MARCHF6: variants seen among roughly 807,000 people sequenced by gnomAD.
MARCHF6 encodes E3 ubiquitin-protein ligase MARCHF6.
A neutral mutation model predicts 133.7 loss-of-function variants in MARCHF6; 31 were observed. The ratio of observed to expected loss-of-function variants is 0.23; its 90% CI spans 0.17 to 0.31. MARCHF6 has a LOEUF of 0.31. MARCHF6 is among the 10% of genes least tolerant of loss of function. The pLI is 1.00. For missense variants in MARCHF6, 723 were observed against 1,121.6 expected (o/e 0.64, Z 5.08); for synonymous variants, 395 against 402.5 (o/e 0.98, Z 0.22).
rs1019000402 is a variant in MARCHF6, at chr5:10,411,203, T to C, written c.1692-130T>C. 1.4e-5 allele frequency: 10 copies of C among 719,274 alleles called. No homozygotes were observed. The African/African-American group carries it at 1.8e-4, about 13-fold the overall frequency. 44.6% of individuals were successfully genotyped at this position (719,274 alleles called of 1,614,324 possible). A position where few individuals can be genotyped will look rare whatever the true frequency, so the allele number is the denominator to read the frequency against. The stretch of plus-strand genomic sequence containing the variant: ...AAACATTTAGACCAAAATTAGGTAA[T>C]AATGTGGTGCACAAATTCTGTATTA... On this transcript the variant is annotated intron_variant, in intron 18 of 25. Transcript: ENST00000274140.
chr5:10,380,364 A>C (rs1405078806), intron 3 of MARCHF6, among the ~76,000 whole-genome samples: 1 of 152,196 alleles, frequency 6.6e-6, no homozygotes, highest in Non-Finnish European at 1.5e-5. Flanking sequence ...GTAGTACGTA[A>C]AAGCTGTACA....
At chr5:10,404,946 T>G (rs1029821324) in intron 15 of MARCHF6, among the ~76,000 whole-genome samples, 2 of 152,218 alleles carry the variant, frequency 1.3e-5, no homozygotes, top group Admixed American at 6.5e-5. Context: ...AATGATTTCT[T>G]TCATTTTATC....
At position 10,435,682 on chromosome 5, in the gene MARCHF6, TATATATATATATATA is replaced by T. The variant is rs1343975514; in HGVS notation, c.*1999_*2013del. The stretch of plus-strand genomic sequence containing the variant: ...ATATATATATATATATATATATATA[TATATATATATATATA>T]TTTTTTTTTTTTTTTTTTTTTTTTT... On this transcript the variant is annotated 3_prime_UTR_variant, in exon 26 of 26. Coordinates refer to ENST00000274140, the MANE Select transcript of MARCHF6 (RefSeq NM_005885.4). 2 of 17,970 alleles carry T rather than the reference TATATATATATATATA, an allele frequency of 1.1e-4. No homozygotes were observed. Among genetic ancestry groups the T allele is most frequent in the Non-Finnish European group, 2.2e-4 (2 of 8,980 alleles). The allele number at this position is 17,970 out of a possible 1,614,324, so 1.1% of individuals were successfully genotyped here. A position where few individuals can be genotyped will look rare whatever the true frequency, so the allele number is the denominator to read the frequency against.
chr5:10,406,532 G>A (rs1443434857), intron 16 of MARCHF6, among the ~76,000 whole-genome samples: 1 of 151,818 alleles, frequency 6.6e-6, no homozygotes, highest in Non-Finnish European at 1.5e-5. Context: ...TGGGATTACA[G>A]GCGCCCACCA....
rs981318265 is a variant in MARCHF6 at position 10,437,363 on chromosome 5, C to T, written c.*3679C>T. On this transcript the variant is annotated 3_prime_UTR_variant, in exon 26 of 26. Coordinates refer to ENST00000274140, the MANE Select transcript of MARCHF6 (RefSeq NM_005885.4). ...TTACCAGTAAAGTATTATTAAAAGC[C>T]TCATTTGTGGAGATTCGCTGACTTC... 9.9e-5 allele frequency: 15 copies of T among 152,056 alleles called. No individual in the cohort carries two copies. The highest frequency in any genetic ancestry group is 1.9e-4 in the Non-Finnish European group (13 of 68,022). The allele number at this position is 152,056 out of a possible 1,614,324, so 9.4% of individuals were successfully genotyped here.
At chr5:10,392,624 C>T (rs999707383) in intron 7 of MARCHF6, among the ~76,000 whole-genome samples, 1 of 152,082 alleles carries the variant, frequency 6.6e-6, no homozygotes, top group African/African-American at 2.4e-5. Context: ...TGTGGTGGCG[C>T]ACGCCTGTAA....
At position 10,407,131 on chromosome 5, in the gene MARCHF6, G is replaced by A; in HGVS notation, c.1482G>A (p.Met494Ile). The stretch of plus-strand genomic sequence containing the variant: ...TCTTTGGCTCCATTGTCCTCCTGAT[G>A]CTTTGGCTTCCTATACGTATAATTA... ...VIVFGSIVLL[M>I]LWLPIRIIKS... Residue 494 changes from methionine to isoleucine, a missense_variant, in exon 17 of 26, where the codon ATG (methionine) becomes ATA (isoleucine). By Grantham distance (10) the Met-to-Ile change is conservative. This residue lies in a region of MARCHF6 where 492 missense variants were observed against 699.5 expected (regional missense o/e 0.70). Coordinates refer to ENST00000274140, the MANE Select transcript of MARCHF6 (RefSeq NM_005885.4). The A allele has an allele frequency of 6.2e-7, 1 of 1,613,008 alleles. No individual in the cohort carries two copies. The highest frequency in any genetic ancestry group is 2.2e-5 in the East Asian group (1 of 44,834).
intron 22 of MARCHF6, among the ~76,000 whole-genome samples, chr5:10,423,333 T>A (rs1739921818): frequency 6.6e-6 from 1 of 152,222 alleles, no homozygotes; most frequent in African/African-American, 2.4e-5. Flanking sequence ...GCCTTTAGAA[T>A]GGTTTCTTAG....
intron 1 of MARCHF6, among the ~76,000 whole-genome samples, chr5:10,360,388 C>T (rs969282406): frequency 1.3e-5 from 2 of 152,064 alleles, no homozygotes; most frequent in Non-Finnish European, 2.9e-5. Flanking sequence ...ATCCATCTGC[C>T]TCAGCCTCCC....
rs1739136735 is a variant in MARCHF6, at chr5:10,410,206, G to T, written c.1621G>T (p.Glu541Ter). 1 of 1,613,724 alleles carries T rather than the reference G, an allele frequency of 6.2e-7. No homozygotes were observed. The highest frequency in any genetic ancestry group is 1.1e-5 in the South Asian group (1 of 91,066). ...TCAGGTTGTCTTGCCAGCATTACTC[G>T]AACAGGGACACACGAGGCAGTGGCT... The part of the protein sequence containing the change: ...LLQVVLPALL[E>*]QGHTRQWLKG... Residue 541 changes from glutamate (E) to a stop codon, truncating the protein, a stop_gained, in exon 18 of 26, where the codon GAA becomes TAA. Transcript: ENST00000274140. LOFTEE classifies it high-confidence loss of function.
At chr5:10,385,395 A>C (rs886497968) in intron 4 of MARCHF6, among the ~76,000 whole-genome samples, 1 of 152,258 alleles carries the variant, frequency 6.6e-6, no homozygotes, top group African/African-American at 2.4e-5. Context: ...GAAACAGCAA[A>C]TAAAATTTGG....
chr5:10,360,154 T>TG (rs1268024174), intron 1 of MARCHF6, among the ~76,000 whole-genome samples: 8 of 145,810 alleles, frequency 5.5e-5, no homozygotes, highest in Non-Finnish European at 1.1e-4. Flanking sequence ...GTTTTTTTTT[T>TG]TTTTTTTTTT....
chr5:10,404,669 A>G (rs907196261), intron 15 of MARCHF6, among the ~76,000 whole-genome samples: 2 of 152,182 alleles, frequency 1.3e-5, no homozygotes, highest in Non-Finnish European at 2.9e-5. Context: ...TCCAGTGAGA[A>G]GGGAACACAA....
rs558312008 is a variant in MARCHF6, at chr5:10,378,548, T to C, written c.117-211T>C. ...TTTTGATTAATTGAACCTTTTTTAA[T>C]GGTAGAAAAATGTGTTGTTTTTATC... is the stretch of plus-strand genomic sequence containing the variant. On this transcript the variant is annotated intron_variant, in intron 2 of 25. Transcript: ENST00000274140. Among the ~76,000 whole-genome samples, 5 of 152,352 alleles carry C rather than the reference T, an allele frequency of 3.3e-5. No homozygotes were observed. In the South Asian group the frequency reaches 1.0e-3, roughly 32 times the overall value.
chr5:10,417,717 CAAAAAAAAA>C (rs748194332), intron 22 of MARCHF6, among the ~76,000 whole-genome samples: 5 of 52,522 alleles, frequency 9.5e-5, no homozygotes, highest in Middle Eastern at 0.011. Context: ...AGCCTCTGTC[CAAAAAAAAA>C]AAAAAAAAAA....
intron 4 of MARCHF6, among the ~76,000 whole-genome samples, chr5:10,384,419 A>T (rs1737345175): frequency 1.3e-5 from 2 of 152,222 alleles, no homozygotes; most frequent in African/African-American, 4.8e-5. Context: ...TAAATCAATA[A>T]CAAAAAGGCA....
chr5:10,426,692 G>A (rs1184141226), intron 24 of MARCHF6, among the ~76,000 whole-genome samples, 170 bp downstream of exon 24: 3 of 152,116 alleles, frequency 2.0e-5, no homozygotes, highest in Non-Finnish European at 4.4e-5. Context: ...ACTATTCTGG[G>A]TAAGATTAGA....
At position 10,433,752 on chromosome 5, in the gene MARCHF6, AT is replaced by A; in HGVS notation, c.*73del. On this transcript the variant is annotated 3_prime_UTR_variant, in exon 26 of 26. Coordinates refer to ENST00000274140, the MANE Select transcript of MARCHF6 (RefSeq NM_005885.4). ...TTTTTGTGGACTTCTCTCTTTGGAG[AT>A]TTTTCCCAGTGATCTCTCAGCGTTG... is the stretch of plus-strand genomic sequence containing the variant. 1 of 1,315,904 alleles carries A rather than the reference AT, an allele frequency of 7.6e-7. No homozygotes were observed. The highest frequency in any genetic ancestry group is 1.1e-6 in the Non-Finnish European group (1 of 911,242). The allele number at this position is 1,315,904 out of a possible 1,614,324, so 81.5% of individuals were successfully genotyped here. A position where few individuals can be genotyped will look rare whatever the true frequency, so the allele number is the denominator to read the frequency against.
intron 22 of MARCHF6, among the ~76,000 whole-genome samples, chr5:10,422,288 C>G (rs902478979): frequency 7.9e-5 from 12 of 152,122 alleles, no homozygotes; most frequent in African/African-American, 2.9e-4. Context: ...GTACTGATAA[C>G]GGGGGTTCCA....
Sources: gnomAD v4.1 joint callset for allele counts (sites outside exome capture counted in the v4.1 genomes callset) on GRCh38, gnomAD v4.1.1 for gene constraint, gnomAD v4.1.1 regional missense constraint, MANE v1.5 for transcripts, NCBI Gene and HGNC (gene_info 2026-07-23, HGNC 2026-07-21) for gene names.